Variants in MPPE1 observed in about 807,000 individuals in gnomAD.
MPPE1 encodes the protein metallo phosphoesterase.
Under a neutral mutation model 43.8 loss-of-function variants are expected in MPPE1, and 28 were observed. The observed-to-expected ratio is 0.64, with a 90% CI of 0.47 to 0.88. The LOEUF (loss-of-function observed/expected upper bound fraction) is 0.88. Among genes scored for constraint, MPPE1 ranks in the 40% least tolerant of loss-of-function variants. The pLI is 0.00. For missense variants in MPPE1, 428 were observed against 492.2 expected (o/e 0.87, Z 1.23); for synonymous variants, 159 against 188.5 (o/e 0.84, Z 1.28).
At chr18:11,893,620 G>C (rs1403001848) in intron 3 of MPPE1, 44 bp from the exon 4 acceptor site, 1 of 1,490,192 alleles carries the variant, frequency 6.7e-7, no homozygotes, top group African/African-American at 1.4e-5. Flanking sequence ...CTCTTTCCTA[G>C]GTGGAGGCTA....
chr18:11,899,613 C>T (rs675204), intron 2 of MPPE1, among the ~76,000 whole-genome samples: 7,630 of 152,178 alleles, frequency 0.05, 534 homozygotes, highest in African/African-American at 0.16. Flanking sequence ...TCTTCAACTG[C>T]GCTCAAGATG....
At chr18:11,893,971 T>G (rs75880586) in intron 3 of MPPE1, among the ~76,000 whole-genome samples, 8,073 of 152,266 alleles carry the variant, frequency 0.053, 403 homozygotes, top group African/African-American at 0.14. Context: ...AATTTTAGCT[T>G]CTTATTAAAG....
Position 11,885,724 on chromosome 18 carries a change from G to T in MPPE1, c.960C>A (p.Ser320Arg). ...VHHGGRVPEL[S>R]VPSFSWRNRN... ...TGTTCCTCCAACTGAAAGATGGGAC[G>T]CTGAGCTCGGGGACTCGGCCCCCGT... Residue 320 changes from serine (S) to arginine (R), a missense_variant, in exon 10 of 11, where the codon AGC (serine) becomes AGA (arginine). Physicochemically the swap from Ser to Arg is moderately radical, Grantham distance 110 (BLOSUM62 -1). Transcript: ENST00000588072. 1 of 1,613,988 alleles carries T rather than the reference G, an allele frequency of 6.2e-7. No individual in the cohort carries two copies. The highest frequency in any genetic ancestry group is 1.3e-5 in the African/African-American group (1 of 75,060).
chr18:11,902,366 A>G (rs2039299031), intron 2 of MPPE1: 1 of 152,218 alleles, frequency 6.6e-6, no homozygotes, highest in Admixed American at 6.5e-5. Flanking sequence ...CCTCTGAGGG[A>G]TAAATAACAG....
At chr18:11,889,261 G>A in intron 5 of MPPE1, 126 bp downstream of exon 5, 1 of 599,042 alleles carries the variant, frequency 1.7e-6, no homozygotes, top group Non-Finnish European at 2.9e-6. Flanking sequence ...ATATCCCAGA[G>A]CTCACATCTT....
Position 11,886,967 on chromosome 18 carries a change from T to A in MPPE1, c.628A>T (p.Thr210Ser). ...GAAACTTCAATGAGCTCTGCTTCTG[T>A]TTCAGAGCAGATGCCACAGCCATCC... is the stretch of plus-strand genomic sequence containing the variant. ...NGDGCGICSE[T>S]EAELIEVSHR... Residue 210 changes from threonine to serine, a missense_variant, in exon 7 of 11, where the codon ACA becomes TCA. Transcript: ENST00000588072. This position sits in a 1 kb window ranked among gnomAD's most constrained non-coding sequence, Gnocchi z 4.1. The A allele has an allele frequency of 6.2e-7, 1 of 1,613,854 alleles. No homozygotes were observed. The highest frequency in any genetic ancestry group is 8.5e-7 in the Non-Finnish European group (1 of 1,179,868).
intron 2 of MPPE1, among the ~76,000 whole-genome samples, chr18:11,899,435 T>G (rs1253382394): frequency 6.6e-6 from 1 of 152,244 alleles, no homozygotes; most frequent in Non-Finnish European, 1.5e-5. Flanking sequence ...TATTTATGTA[T>G]AGTGGCTTCT....
intron 2 of MPPE1, chr18:11,902,180 ACAACT>A (rs1228297809): frequency 6.6e-6 from 1 of 151,998 alleles, no homozygotes; most frequent in Non-Finnish European, 1.5e-5. Context: ...ACTGTCCCAG[ACAACT>A]CAGGATGTGC....
chr18:11,892,520 T>A (rs1397041258), intron 4 of MPPE1, among the ~76,000 whole-genome samples: 1 of 151,600 alleles, frequency 6.6e-6, no homozygotes, highest in Non-Finnish European at 1.5e-5. Context: ...AAATACAAAA[T>A]TAGCCGGGCG....
chr18:11,906,121 G>A (rs991831626), intron 2 of MPPE1, 82 bp downstream of exon 2: 5 of 152,256 alleles, frequency 3.3e-5, no homozygotes, highest in East Asian at 3.9e-4. Context: ...GTTCAGGCTG[G>A]CCTAGGATGG....
rs376909418 is a variant in MPPE1 at position 11,886,719 on chromosome 18, G to A, written c.738C>T (p.Leu246=). The A allele has an allele frequency of 5.0e-6, 8 of 1,613,486 alleles. No individual in the cohort carries two copies. The highest frequency in any genetic ancestry group is 4.0e-5 in the African/African-American group (3 of 74,920). Residue 246 remains leucine, a synonymous_variant, in exon 8 of 11, where the codon CTC becomes CTT. Transcript: ENST00000588072. The surrounding 1 kb of genome is among the most constrained non-coding windows in gnomAD (Gnocchi z 4.1). The stretch of plus-strand genomic sequence containing the variant: ...CTTTCCTCCCCCAGCTCACCTGCAG[G>A]AGGACAGGGGCAGACGTGGGCAGCA... The part of the protein sequence containing the change: ...GPLLPTSAPV[L]LQHYPLYRRS...
chr18:11,903,825 A>AAAACAAAT (rs2039440691), intron 2 of MPPE1, among the ~76,000 whole-genome samples: 1 of 152,008 alleles, frequency 6.6e-6, no homozygotes, highest in South Asian at 2.1e-4. Flanking sequence ...AAAAAACAAA[A>AAAACAAAT]ACAAAAACAA....
chr18:11,900,126 C>T (rs187326288), intron 2 of MPPE1, among the ~76,000 whole-genome samples: 2 of 152,238 alleles, frequency 1.3e-5, no homozygotes, highest in South Asian at 2.1e-4. Context: ...GTGGGCGGAT[C>T]ACCTGAGGTC....
chr18:11,893,668 G>A, intron 3 of MPPE1, 92 bp from the exon 4 acceptor site: 1 of 991,412 alleles, frequency 1.0e-6, no homozygotes, highest in Non-Finnish European at 1.5e-6. Context: ...CAAACTAAAT[G>A]GTTCCACTCT....
intron 1 of MPPE1, among the ~76,000 whole-genome samples, chr18:11,907,285 A>G (rs1376127936): frequency 6.6e-6 from 1 of 152,160 alleles, no homozygotes; most frequent in Admixed American, 6.6e-5. Context: ...CAATCTACCT[A>G]TAACCCGGAA....
chr18:11,897,461 A>G (rs2038723291), intron 2 of MPPE1, 105 bp from the exon 3 acceptor site: 4 of 571,288 alleles, frequency 7.0e-6, no homozygotes, highest in Non-Finnish European at 9.3e-6. Context: ...CTACATTTCC[A>G]AATTAATCGT....
intron 3 of MPPE1, 118 bp from the exon 4 acceptor site, chr18:11,893,694 CCA>C: frequency 1.3e-6 from 1 of 765,626 alleles, no homozygotes; most frequent in Non-Finnish European, 2.1e-6. Context: ...TTCCAGAGCC[CCA>C]CTCTTGCATT....
In MPPE1 at chr18:11,906,720, G is replaced by C. The variant is rs567798672; in HGVS notation, c.-199-411C>G. Among the ~76,000 whole-genome samples the C allele has an allele frequency of 8.5e-5, 13 of 152,132 alleles. No homozygotes were observed. The South Asian group carries it at 2.7e-3, about 32-fold the overall frequency. On this transcript the variant is annotated intron_variant, in intron 1 of 10. Coordinates refer to ENST00000588072, the MANE Select transcript of MPPE1 (RefSeq NM_023075.6). The stretch of plus-strand genomic sequence containing the variant: ...AAAATACAAAATCAGCCAGGGTAGT[G>C]GCACATGCCTGTAATCCCAGCTACT...
At position 11,886,393 on chromosome 18, in the gene MPPE1, A is replaced by C; in HGVS notation, c.867+106T>G. The C allele has an allele frequency of 6.6e-7, 1 of 1,519,664 alleles. No individual in the cohort carries two copies. Among genetic ancestry groups the C allele is most frequent in the East Asian group, 2.3e-5 (1 of 44,420 alleles). 94.1% of individuals were successfully genotyped at this position (1,519,664 alleles called of 1,614,324 possible). On this transcript the variant is annotated intron_variant, in intron 9 of 10. Coordinates refer to ENST00000588072, the MANE Select transcript of MPPE1 (RefSeq NM_023075.6). This position sits in a 1 kb window ranked among gnomAD's most constrained non-coding sequence, Gnocchi z 4.1. ...CCCCCAGGTGATAACTAAGTCATGA[A>C]CGTTTCAGCAAACACCTGCTCTAGC...
Sources: gnomAD v4.1 joint callset for allele counts (sites outside exome capture counted in the v4.1 genomes callset) on GRCh38, gnomAD v4.1.1 for gene constraint, Gnocchi (gnomAD v3.1) non-coding constraint, MANE v1.5 for transcripts, NCBI Gene and HGNC (gene_info 2026-07-23, HGNC 2026-07-21) for gene names.